STXBP5L: variants seen among roughly 807,000 people sequenced by gnomAD.
The protein encoded by STXBP5L is syntaxin binding protein 5L.
A neutral mutation model predicts 144.5 loss-of-function variants in STXBP5L; 65 were observed. The ratio of observed to expected loss-of-function variants is 0.45; its 90% confidence interval spans 0.37 to 0.55. The LOEUF is 0.55. STXBP5L is among the 20% of genes least tolerant of loss of function. STXBP5L has a pLI of 0.00. For missense variants in STXBP5L, 1,298 were observed against 1,405.5 expected, an observed-to-expected ratio of 0.92 and a Z score of 1.22; for synonymous variants, 505 against 469.6, an observed-to-expected ratio of 1.08 and a Z score of -0.97.
intron 3 of STXBP5L, among the ~76,000 whole-genome samples, chr3:121,011,685 A>T (rs111346209): frequency 4.6e-5 from 7 of 151,726 alleles, no homozygotes; most frequent in African/African-American, 1.5e-4. Context: ...GTTATTACAG[A>T]TACAATTAAG....
chr3:121,206,733 G>C (rs571278341), intron 10 of STXBP5L, among the ~76,000 whole-genome samples: 29 of 152,214 alleles, frequency 1.9e-4, no homozygotes, highest in African/African-American at 6.3e-4. Context: ...AGAATCCTTT[G>C]AGCCCAGGAG....
At chr3:121,157,979 A>C (rs1247191621) in intron 9 of STXBP5L, 1 of 181,064 alleles carries the variant, frequency 5.5e-6, no homozygotes, top group African/African-American at 2.4e-5. Context: ...TTTAGATGTG[A>C]CTTTCAGAGT....
intron 3 of STXBP5L, among the ~76,000 whole-genome samples, chr3:121,000,114 T>C (rs1192001421): frequency 6.6e-6 from 1 of 152,132 alleles, no homozygotes; most frequent in Admixed American, 6.6e-5. Flanking sequence ...CATAGTATCT[T>C]CCAGGGGTTC....
chr3:121,178,175 A>G (rs1280648312), intron 9 of STXBP5L, among the ~76,000 whole-genome samples: 1 of 152,210 alleles, frequency 6.6e-6, no homozygotes, highest in Non-Finnish European at 1.5e-5. Flanking sequence ...CAGTTAAGGA[A>G]GACAAAAAGT....
intron 19 of STXBP5L, among the ~76,000 whole-genome samples, chr3:121,301,994 G>C (rs896411526): frequency 2.0e-5 from 3 of 152,122 alleles, no homozygotes; most frequent in African/African-American, 7.2e-5. Context: ...CAGGGATATT[G>C]GTCTAAAATT....
intron 18 of STXBP5L, among the ~76,000 whole-genome samples, chr3:121,266,039 T>C (rs9814324): frequency 0.099 from 15,097 of 152,108 alleles, 1,184 homozygotes; most frequent in Admixed American, 0.2. Flanking sequence ...AGCCGAATTC[T>C]ACCAGAGGTA....
intron 9 of STXBP5L, chr3:121,158,632 C>T (rs2046203836): frequency 6.6e-6 from 1 of 152,092 alleles, no homozygotes; most frequent in Admixed American, 6.5e-5. Context: ...TAGAGATTGC[C>T]ATTACAGAAA....
chr3:121,023,431 A>C (rs1246015014), intron 3 of STXBP5L, among the ~76,000 whole-genome samples: 1 of 152,208 alleles, frequency 6.6e-6, no homozygotes, highest in Non-Finnish European at 1.5e-5. Flanking sequence ...GAGCCCACCT[A>C]GCCAAAGCAA....
chr3:120,972,474 G>A lies in STXBP5L; in HGVS notation c.287+17437G>A, dbSNP rs72966762. 2.5e-3 allele frequency among the ~76,000 whole-genome samples: 379 copies of A among 152,128 alleles called. 2 individuals carry two copies. Among genetic ancestry groups the A allele is most frequent in the African/African-American group, 8.6e-3 (356 of 41,510 alleles). On this transcript the variant is annotated intron_variant, in intron 3 of 26. Coordinates refer to ENST00000471454, the MANE Select transcript of STXBP5L (RefSeq NM_001308330.2). ...TCAAATCTAGGAGTCTTTTGGAGGA[G>A]CATTTAGGGTTTTGTAGATATAAGA...
chr3:121,153,300 C>T (rs886981199), intron 8 of STXBP5L, among the ~76,000 whole-genome samples: 2 of 151,850 alleles, frequency 1.3e-5, no homozygotes, highest in Non-Finnish European at 2.9e-5. Context: ...AAACTGGGGG[C>T]AACAGATTAA....
chr3:121,185,711 T>C lies in STXBP5L; in HGVS notation c.878-20212T>C, dbSNP rs990951216. On this transcript the variant is annotated intron_variant, in intron 9 of 26. Coordinates refer to ENST00000471454, the MANE Select transcript of STXBP5L (RefSeq NM_001308330.2). ...TTTTGGTTACTATAGCCTTGTAGCA[T>C]AGTTCAAAGTCAGGTAGCATGATGC... Among the ~76,000 whole-genome samples, 25 of 152,236 alleles carry C rather than the reference T, an allele frequency of 1.6e-4. 1 individual carries two copies. Among genetic ancestry groups the C allele is most frequent in the Admixed American group, 1.2e-3 (19 of 15,290 alleles).
At chr3:121,277,009 A>G (rs1287230486) in intron 18 of STXBP5L, among the ~76,000 whole-genome samples, 1 of 151,834 alleles carries the variant, frequency 6.6e-6, no homozygotes, top group African/African-American at 2.4e-5. Flanking sequence ...ATCTCATTTC[A>G]TTTTAGGTAA....
intron 3 of STXBP5L, among the ~76,000 whole-genome samples, chr3:121,033,863 T>A (rs1266818915): frequency 6.6e-6 from 1 of 152,044 alleles, no homozygotes; most frequent in Non-Finnish European, 1.5e-5. Flanking sequence ...TGTGAAAACA[T>A]GAATTAAACT....
chr3:121,402,117 A>G (rs886642215), intron 22 of STXBP5L, among the ~76,000 whole-genome samples: 1 of 152,198 alleles, frequency 6.6e-6, no homozygotes, highest in African/African-American at 2.4e-5. Context: ...AGTATATAAG[A>G]TAAAATAGAA....
chr3:121,232,302 C>T (rs1363726743), intron 11 of STXBP5L, among the ~76,000 whole-genome samples: 1 of 152,074 alleles, frequency 6.6e-6, no homozygotes, highest in Non-Finnish European at 1.5e-5. Context: ...CCTAACAAAG[C>T]CCCCTTGTGG....
intron 15 of STXBP5L, among the ~76,000 whole-genome samples, chr3:121,251,661 G>A (rs114909324): frequency 6.6e-6 from 1 of 152,138 alleles, no homozygotes; most frequent in African/African-American, 2.4e-5. Context: ...TATCCAGCAG[G>A]TAAGGAGAAC....
chr3:121,118,316 C>T (rs1408260541), intron 6 of STXBP5L, among the ~76,000 whole-genome samples: 2 of 151,700 alleles, frequency 1.3e-5, no homozygotes, highest in African/African-American at 4.8e-5. Context: ...TACATCTATG[C>T]TGAGATCCAA....
At chr3:121,068,105 G>A (rs73189310) in intron 5 of STXBP5L, among the ~76,000 whole-genome samples, 5,417 of 152,328 alleles carry the variant, frequency 0.036, 146 homozygotes, top group Middle Eastern at 0.082. Flanking sequence ...CACGCCCTGG[G>A]TTCAAGTGAT....
intron 20 of STXBP5L, among the ~76,000 whole-genome samples, chr3:121,363,916 A>G (rs2045789475): frequency 6.6e-6 from 1 of 152,094 alleles, no homozygotes; most frequent in African/African-American, 2.4e-5. Flanking sequence ...GGAGTTCTTT[A>G]TATATTCCAG....
Sources: allele counts gnomAD v4.1 joint callset (sites outside exome capture counted in the v4.1 genomes callset), GRCh38; gene constraint gnomAD v4.1.1; transcripts MANE v1.5; gene names NCBI Gene and HGNC (gene_info 2026-07-23, HGNC 2026-07-21).